SPEF2: variants seen among roughly 807,000 people sequenced by gnomAD.
SPEF2 encodes sperm flagella and cilia-associated protein 2.
Under a neutral mutation model 224.6 loss-of-function variants are expected in SPEF2, and 187 were observed. The observed-to-expected ratio is 0.83, with a 90% CI of 0.74 to 0.94. The LOEUF is 0.94. Ranked by LOEUF, SPEF2 falls within the 40% of genes least tolerant of loss-of-function variation. SPEF2 has a pLI of 0.00. For missense variants in SPEF2, 2,170 were observed against 2,135.6 expected (o/e 1.02, Z -0.32); for synonymous variants, 715 against 707.3 (o/e 1.01, Z -0.17).
intron 1 of SPEF2, among the ~76,000 whole-genome samples, chr5:35,618,563 C>T (rs1250183396): frequency 6.6e-6 from 1 of 152,082 alleles, no homozygotes; most frequent in East Asian, 1.9e-4. Context: ...TAAAATGGAC[C>T]TAATAATGCT....
rs867020102 is a variant in SPEF2 at position 35,695,601 on chromosome 5, T to C, written c.1976-134T>C. On this transcript the variant is annotated intron_variant, in intron 13 of 36. Coordinates refer to ENST00000356031, the MANE Select transcript of SPEF2 (RefSeq NM_024867.4). ...AGCTATGCTGTGGTGATTCTATTACTTCCTTCCTCTGAGCATCTCAGGCAT... is the reference window on the plus strand; with the variant it reads ...AGCTATGCTGTGGTGATTCTATTACCTCCTTCCTCTGAGCATCTCAGGCAT... 5.0e-6 allele frequency: 3 copies of C among 603,100 alleles called. No individual in the cohort carries two copies. The Middle Eastern group carries it at 7.9e-4, about 158-fold the overall frequency. The allele number at this position is 603,100 out of a possible 1,614,324, so 37.4% of individuals were successfully genotyped here. A position where few individuals can be genotyped will look rare whatever the true frequency, so the allele number is the denominator to read the frequency against.
chr5:35,748,697 A>G (rs997970430), intron 23 of SPEF2, among the ~76,000 whole-genome samples: 16 of 152,200 alleles, frequency 1.1e-4, no homozygotes, highest in African/African-American at 3.9e-4. Context: ...TACCAACACA[A>G]AAAAGTCCAG....
chr5:35,712,344 C>T (rs984326609), intron 19 of SPEF2, among the ~76,000 whole-genome samples: 1 of 152,098 alleles, frequency 6.6e-6, no homozygotes, highest in African/African-American at 2.4e-5. Context: ...ATCCTCTAGC[C>T]TCAACCTCAT....
chr5:35,619,136 A>G (rs576677797), intron 1 of SPEF2, among the ~76,000 whole-genome samples: 2 of 151,916 alleles, frequency 1.3e-5, no homozygotes, highest in East Asian at 3.9e-4. Flanking sequence ...TTCTTTGTCA[A>G]ATAACCATCT....
chr5:35,642,654 C>T (rs181662282), intron 3 of SPEF2, among the ~76,000 whole-genome samples: 1 of 152,284 alleles, frequency 6.6e-6, no homozygotes, highest in Non-Finnish European at 1.5e-5. Context: ...AGTTTTTATG[C>T]AATTCCTTAT....
chr5:35,643,445 G>A (rs1233425914), intron 3 of SPEF2: 1 of 455,198 alleles, frequency 2.2e-6, no homozygotes, highest in African/African-American at 2.0e-5. Flanking sequence ...AGGTAAAGAA[G>A]AGAACAGTAG....
At chr5:35,629,183 T>G (rs1245391547) in intron 2 of SPEF2, among the ~76,000 whole-genome samples, 1 of 138,136 alleles carries the variant, frequency 7.2e-6, no homozygotes, top group East Asian at 2.1e-4. Context: ...TTTTTGAGAC[T>G]TGCTCTGTTG....
chr5:35,660,491 G>T (rs188381469), intron 8 of SPEF2, among the ~76,000 whole-genome samples: 2 of 152,300 alleles, frequency 1.3e-5, no homozygotes, highest in East Asian at 1.9e-4. Context: ...AGCATATTTT[G>T]CAGGGAGGAG....
chr5:35,668,487 C>A (rs1373624042), intron 9 of SPEF2, among the ~76,000 whole-genome samples: 1 of 151,948 alleles, frequency 6.6e-6, no homozygotes, highest in East Asian at 1.9e-4. Flanking sequence ...TAGTGATTGC[C>A]AGGGGCTAAG....
At chr5:35,720,679 A>G (rs116327371) in intron 20 of SPEF2, among the ~76,000 whole-genome samples, 2,851 of 152,328 alleles carry the variant, frequency 0.019, 62 homozygotes, top group South Asian at 0.054. Context: ...CTTAGACATT[A>G]GAATTTTAGA....
In SPEF2 at chr5:35,773,918, A is replaced by G; in HGVS notation, c.3975A>G (p.Ala1325=). 6.2e-7 allele frequency: 1 copy of G among 1,613,046 alleles called. No homozygotes were observed. Among genetic ancestry groups the G allele is most frequent in the Non-Finnish European group, 8.5e-7 (1 of 1,179,494 alleles). ...GTAAATCACCACCTATGGCAGAAGC[A>G]ACTCCTGTCATAGTAACAACAGAGG... ...PKGKSPPMAE[A]TPVIVTTEEI... is the part of the protein sequence containing the mutation. The change falls in exon 28 of 37, where the codon GCA becomes GCG. Residue 1325 remains alanine, a synonymous_variant. Transcript: ENST00000356031.
rs1289326399 is a variant in SPEF2, at chr5:35,697,676, G to C, written c.2038-14G>C. ...AATTAGCCATCTTCTGTCATTTCTTGTTTATTTTCCCAGCTCACTACACGT... is the reference window on the plus strand; with the variant it reads ...AATTAGCCATCTTCTGTCATTTCTTCTTTATTTTCCCAGCTCACTACACGT... On this transcript the variant is annotated splice_polypyrimidine_tract_variant and intron_variant, in intron 14 of 36. Coordinates refer to ENST00000356031, the MANE Select transcript of SPEF2 (RefSeq NM_024867.4). The C allele has an allele frequency of 1.3e-6, 2 of 1,594,168 alleles. No individual in the cohort carries two copies. The highest frequency in any genetic ancestry group is 1.7e-6 in the Non-Finnish European group (2 of 1,172,660).
rs188578160 is a variant in SPEF2, at chr5:35,644,934, G to A, written c.585+409G>A. On this transcript the variant is annotated intron_variant, in intron 4 of 36. Coordinates refer to ENST00000356031, the MANE Select transcript of SPEF2 (RefSeq NM_024867.4). ...CGCTTTCTCCTCTTTTGCAACCTTC[G>A]GTCCTGCCCCATTTCTCTGTTCTTG... 3.1e-3 allele frequency among the ~76,000 whole-genome samples: 474 copies of A among 152,170 alleles called. 4 individuals carry two copies. Among genetic ancestry groups the A allele is most frequent in the African/African-American group, 0.011 (436 of 41,496 alleles).
chr5:35,775,337 A>G (rs1316966199), intron 28 of SPEF2, among the ~76,000 whole-genome samples: 2 of 152,172 alleles, frequency 1.3e-5, no homozygotes, highest in Non-Finnish European at 2.9e-5. Flanking sequence ...CAACGGAACT[A>G]ATTCTTGAGC....
rs779181604 is a variant in SPEF2 at position 35,740,002 on chromosome 5, G to C, written c.3147G>C (p.Leu1049=). 12 of 1,614,166 alleles carry C rather than the reference G, an allele frequency of 7.4e-6. No homozygotes were observed. The highest frequency in any genetic ancestry group is 1.0e-5 in the Non-Finnish European group (12 of 1,180,010). Residue 1049 remains leucine (L), a synonymous_variant, in exon 22 of 37, where the codon CTG becomes CTC. Coordinates refer to ENST00000356031, the MANE Select transcript of SPEF2 (RefSeq NM_024867.4). ...CCATCAAAACAGTACTCAGGCATCT[G>C]AGGGAAGACCAGCATACTGTGCTTG... ...INTIKTVLRH[L]REDQHTVLAY...
At chr5:35,676,096 A>G (rs1751962457) in intron 10 of SPEF2, 3 of 443,400 alleles carry the variant, frequency 6.8e-6, no homozygotes, top group Non-Finnish European at 1.4e-5. Context: ...TGGCAGCCAG[A>G]TAGAAGTGGA....
intron 10 of SPEF2, 69 bp from the exon 11 acceptor site, chr5:35,690,968 T>G: frequency 1.5e-6 from 2 of 1,310,050 alleles, no homozygotes; most frequent in Non-Finnish European, 2.1e-6. Flanking sequence ...CTTTTAACAT[T>G]TAAATATTTC....
At chr5:35,760,797 G>A (rs1751178633) in intron 25 of SPEF2, among the ~76,000 whole-genome samples, 1 of 152,058 alleles carries the variant, frequency 6.6e-6, no homozygotes. Context: ...GATTCCTGTG[G>A]CATGGTTTCC....
intron 26 of SPEF2, among the ~76,000 whole-genome samples, chr5:35,768,650 AC>A (rs1176648885): frequency 2.6e-5 from 4 of 152,134 alleles, no homozygotes; most frequent in Non-Finnish European, 5.9e-5. Context: ...TAAACATTGT[AC>A]CCTTTTCCTT....
Sources: allele counts gnomAD v4.1 joint callset (sites outside exome capture counted in the v4.1 genomes callset), GRCh38; gene constraint gnomAD v4.1.1; transcripts MANE v1.5; gene names NCBI Gene and HGNC (gene_info 2026-07-23, HGNC 2026-07-21).